Variants in KCNT2 observed in about 807,000 individuals in gnomAD.
The protein encoded by KCNT2 is potassium sodium-activated channel subfamily T member 2.
KCNT2 carries 67 observed loss-of-function variants against 153.8 expected under a neutral mutation model. The observed-to-expected ratio is 0.44, with a 90% CI of 0.36 to 0.53. The LOEUF (loss-of-function observed/expected upper bound fraction) is 0.53, where lower values mean the gene tolerates loss of function less well. KCNT2 is among the 20% of genes least tolerant of loss of function. KCNT2 has a pLI of 0.00. For missense variants in KCNT2, 975 were observed against 1,354.8 expected, an observed-to-expected ratio of 0.72 and a Z score of 4.40; for synonymous variants, 500 against 458.8, an observed-to-expected ratio of 1.09 and a Z score of -1.15.
intron 22 of KCNT2, among the ~76,000 whole-genome samples, chr1:196,288,689 A>G (rs1659904175): frequency 6.6e-6 from 1 of 152,102 alleles, no homozygotes; most frequent in Non-Finnish European, 1.5e-5. Flanking sequence ...ATTTGGTACT[A>G]AAGTAGAGAG....
intron 1 of KCNT2, among the ~76,000 whole-genome samples, chr1:196,591,647 A>G (rs2149002491): frequency 6.6e-6 from 1 of 152,254 alleles, no homozygotes; most frequent in African/African-American, 2.4e-5. Context: ...TAACTTATAT[A>G]ATAGTTAATT....
At chr1:196,497,900 G>T (rs552216458) in intron 1 of KCNT2, among the ~76,000 whole-genome samples, 3 of 152,050 alleles carry the variant, frequency 2.0e-5, no homozygotes, top group Non-Finnish European at 4.4e-5. Flanking sequence ...TTCTTCTACA[G>T]TAATAATGAT....
At chr1:196,424,732 A>G (rs917929140) in intron 11 of KCNT2, among the ~76,000 whole-genome samples, 1 of 151,956 alleles carries the variant, frequency 6.6e-6, no homozygotes, top group Non-Finnish European at 1.5e-5. Flanking sequence ...TTTATTATAT[A>G]TAAATCAAAG....
Position 196,505,800 on chromosome 1 carries a change from G to A in KCNT2, c.96-13459C>T, listed in dbSNP as rs563047158. Reference sequence around the variant, plus strand: ...AGTTCTCCTTGAAGAGGTCCTTCACGTCCCTTGTAAGTTGGATTCCTAGGT... The same window carrying A: ...AGTTCTCCTTGAAGAGGTCCTTCACATCCCTTGTAAGTTGGATTCCTAGGT... On this transcript the variant is annotated intron_variant, in intron 1 of 27. Coordinates refer to ENST00000294725, the MANE Select transcript of KCNT2 (RefSeq NM_198503.5). Among the ~76,000 whole-genome samples, 329 of 151,764 alleles carry A rather than the reference G, an allele frequency of 2.2e-3. 3 individuals are homozygous for A. Among genetic ancestry groups the A allele is most frequent in the African/African-American group, 5.9e-3 (245 of 41,426 alleles).
chr1:196,487,869 T>C (rs1463348065), intron 3 of KCNT2, among the ~76,000 whole-genome samples: 1 of 152,004 alleles, frequency 6.6e-6, no homozygotes, highest in Non-Finnish European at 1.5e-5. Flanking sequence ...TGTTAAAAAC[T>C]AATAATCATT....
intron 1 of KCNT2, among the ~76,000 whole-genome samples, chr1:196,568,234 AT>A (rs1238706514): frequency 2.0e-5 from 3 of 152,048 alleles, no homozygotes; most frequent in Admixed American, 6.6e-5. Flanking sequence ...TCAGATTCTC[AT>A]AAGGAGCTCG....
At chr1:196,598,780 A>G (rs555324395) in intron 1 of KCNT2, among the ~76,000 whole-genome samples, 1 of 152,348 alleles carries the variant, frequency 6.6e-6, no homozygotes, top group Non-Finnish European at 1.5e-5. Flanking sequence ...GAAAAATAAC[A>G]GAATTTCTCA....
At chr1:196,401,861 A>G (rs528966157) in intron 12 of KCNT2, among the ~76,000 whole-genome samples, 1 of 151,740 alleles carries the variant, frequency 6.6e-6, no homozygotes, top group Admixed American at 6.6e-5. Flanking sequence ...AACTATATAA[A>G]CAAAAAGATA....
At chr1:196,485,613 CTTG>C (rs1679359341) in intron 3 of KCNT2, among the ~76,000 whole-genome samples, 1 of 151,416 alleles carries the variant, frequency 6.6e-6, no homozygotes, top group Non-Finnish European at 1.5e-5. Context: ...TAGACTATGT[CTTG>C]TGAAATAGGC....
chr1:196,504,755 T>G (rs1184812285), intron 1 of KCNT2, among the ~76,000 whole-genome samples: 1 of 152,202 alleles, frequency 6.6e-6, no homozygotes, highest in Non-Finnish European at 1.5e-5. Context: ...TGTTGTTTCT[T>G]GACTTTTTAA....
intron 1 of KCNT2, among the ~76,000 whole-genome samples, chr1:196,493,408 C>T (rs1680009348): frequency 6.7e-6 from 1 of 149,946 alleles, no homozygotes; most frequent in African/African-American, 2.5e-5. Context: ...AAAAAAAAAA[C>T]AACTGACATT....
chr1:196,379,491 GA>G (rs1235680369), intron 13 of KCNT2, among the ~76,000 whole-genome samples: 1 of 151,606 alleles, frequency 6.6e-6, no homozygotes, highest in African/African-American at 2.4e-5. Context: ...AGAATCACTT[GA>G]ACTCAGGAGG....
chr1:196,303,257 G>A (rs1039424766), intron 22 of KCNT2, among the ~76,000 whole-genome samples: 21 of 152,212 alleles, frequency 1.4e-4, no homozygotes, highest in African/African-American at 4.3e-4. Flanking sequence ...ACATCAAGGA[G>A]GAAGGCAACT....
chr1:196,574,082 G>A (rs1661085311), intron 1 of KCNT2, among the ~76,000 whole-genome samples: 1 of 151,638 alleles, frequency 6.6e-6, no homozygotes, highest in African/African-American at 2.4e-5. Context: ...ATAGTTACAT[G>A]GTCTTAATTA....
chr1:196,426,645 T>C (rs1434107915), intron 10 of KCNT2, among the ~76,000 whole-genome samples: 1 of 151,968 alleles, frequency 6.6e-6, no homozygotes, highest in Non-Finnish European at 1.5e-5. Context: ...ATTTTACTGC[T>C]GTAAAATATA....
intron 1 of KCNT2, among the ~76,000 whole-genome samples, chr1:196,524,963 T>G (rs1011979011): frequency 6.6e-6 from 1 of 152,184 alleles, no homozygotes; most frequent in Non-Finnish European, 1.5e-5. Context: ...TATTTTATAT[T>G]GCTATGGTTG....
intron 26 of KCNT2, 119 bp from the exon 27 acceptor site, chr1:196,236,189 C>T: frequency 3.0e-6 from 2 of 669,156 alleles, no homozygotes; most frequent in South Asian, 1.7e-5. Flanking sequence ...ATAGTTTTGT[C>T]CACAGCATGA....
chr1:196,339,163 T>A (rs558069884), intron 16 of KCNT2, among the ~76,000 whole-genome samples: 54 of 151,674 alleles, frequency 3.6e-4, no homozygotes, highest in Middle Eastern at 3.2e-3. Flanking sequence ...GACAATAGAA[T>A]CCATGAGAAC....
chr1:196,449,953 T>C (rs1676012956), intron 8 of KCNT2, among the ~76,000 whole-genome samples: 1 of 151,844 alleles, frequency 6.6e-6, no homozygotes, highest in South Asian at 2.1e-4. Context: ...CTATAAAAGC[T>C]CTGACGTTGA....
Sources: allele counts gnomAD v4.1 joint callset (sites outside exome capture counted in the v4.1 genomes callset), GRCh38; gene constraint gnomAD v4.1.1; transcripts MANE v1.5; gene names NCBI Gene and HGNC (gene_info 2026-07-23, HGNC 2026-07-21).